The following FTO variants were observed in gnomAD, a reference collection of about 807,000 sequenced individuals.
The protein encoded by FTO is alpha-ketoglutarate-dependent dioxygenase FTO.
Under a neutral mutation model 63.9 loss-of-function variants are expected in FTO, and 47 were observed. The ratio of observed to expected loss-of-function variants is 0.74; its 90% confidence interval spans 0.58 to 0.94. The LOEUF is 0.94. Among genes scored for constraint, FTO ranks in the 40% least tolerant of loss-of-function variants. FTO has a pLI of 0.00. For missense variants in FTO, 562 were observed against 618.1 expected, an observed-to-expected ratio of 0.91 and a Z score of 0.96; for synonymous variants, 207 against 224.4, an observed-to-expected ratio of 0.92 and a Z score of 0.69.
intron 1 of FTO, among the ~76,000 whole-genome samples, chr16:53,708,665 C>T (rs754588769): frequency 1.3e-5 from 2 of 152,192 alleles, no homozygotes; most frequent in Admixed American, 6.5e-5. Flanking sequence ...ACAATTTTGT[C>T]ACATCCTTGT....
intron 8 of FTO, among the ~76,000 whole-genome samples, chr16:53,948,893 A>G (rs1251241216): frequency 6.6e-6 from 1 of 152,200 alleles, no homozygotes. Context: ...CAATCTGTGT[A>G]TTGCCTCTGT....
chr16:54,008,704 C>A (rs8054364), intron 8 of FTO: 1 of 151,152 alleles, frequency 6.6e-6, no homozygotes, highest in African/African-American at 2.4e-5. Context: ...AATTTCTTAC[C>A]CACTCCGGCA....
intron 4 of FTO, among the ~76,000 whole-genome samples, chr16:53,872,997 A>G (rs1042333117): frequency 2.6e-5 from 4 of 152,162 alleles, no homozygotes; most frequent in Non-Finnish European, 5.9e-5. Flanking sequence ...ATATTCTTCA[A>G]CTGATGAATT....
At chr16:53,764,363 G>A (rs1259756689) in intron 1 of FTO, 2 of 152,362 alleles carry the variant, frequency 1.3e-5, no homozygotes, top group Non-Finnish European at 2.9e-5. Context: ...TGGGCGCGGT[G>A]GCTCATGCCT....
At chr16:54,049,112 G>A (rs900677801) in intron 8 of FTO, among the ~76,000 whole-genome samples, 4 of 151,884 alleles carry the variant, frequency 2.6e-5, no homozygotes, top group African/African-American at 9.7e-5. Flanking sequence ...CCGTAAGAAA[G>A]GTACTTAGAT....
chr16:53,750,875 G>A (rs2151569661), intron 1 of FTO, among the ~76,000 whole-genome samples: 1 of 152,350 alleles, frequency 6.6e-6, no homozygotes, highest in East Asian at 1.9e-4. Context: ...CAATATGGAA[G>A]ACAGTTTAGA....
intron 8 of FTO, among the ~76,000 whole-genome samples, chr16:54,108,108 G>A (rs1370857707): frequency 6.6e-6 from 1 of 152,190 alleles, no homozygotes; most frequent in African/African-American, 2.4e-5. Flanking sequence ...TTAGAATCCT[G>A]TTGGTGGAAC....
chr16:53,865,354 C>G (rs1201420109), intron 4 of FTO, among the ~76,000 whole-genome samples: 1 of 152,164 alleles, frequency 6.6e-6, no homozygotes, highest in Non-Finnish European at 1.5e-5. Flanking sequence ...ACTTAGCCTT[C>G]CTCATTAGGC....
At chr16:53,731,203 GAAGA>G (rs2076262581) in intron 1 of FTO, among the ~76,000 whole-genome samples, 1 of 152,214 alleles carries the variant, frequency 6.6e-6, no homozygotes, top group Admixed American at 6.5e-5. Context: ...GGCATAAAGA[GAAGA>G]AAGAGATAGA....
At chr16:53,976,425 A>G (rs1412274422) in intron 8 of FTO, among the ~76,000 whole-genome samples, 1 of 151,700 alleles carries the variant, frequency 6.6e-6, no homozygotes, top group Non-Finnish European at 1.5e-5. Context: ...CACTTTTATC[A>G]TATACTAAAT....
intron 1 of FTO, among the ~76,000 whole-genome samples, chr16:53,777,204 C>T (rs759358142): frequency 4.6e-5 from 7 of 152,130 alleles, no homozygotes; most frequent in Non-Finnish European, 7.4e-5. Context: ...ACTAACATCT[C>T]CCCTTTCTCT....
chr16:53,979,118 A>G (rs1166275579), intron 8 of FTO, among the ~76,000 whole-genome samples: 1 of 152,250 alleles, frequency 6.6e-6, no homozygotes, highest in African/African-American at 2.4e-5. Context: ...ATTATTACAT[A>G]CATCACTGAA....
rs138881700 is a variant in FTO, at chr16:53,735,453, G to T, written c.45+31224G>T. 2.6e-5 allele frequency among the ~76,000 whole-genome samples: 4 copies of T among 152,338 alleles called. No individual in the cohort carries two copies. The East Asian group carries it at 7.7e-4, about 29-fold the overall frequency. On this transcript the variant is annotated intron_variant, in intron 1 of 8. Coordinates refer to ENST00000471389, the MANE Select transcript of FTO (RefSeq NM_001080432.3). ...GCAAATCAGCTAACATGGACTCGGA[G>T]AGTCAGGGAGGGCCTCTTGGAGGAG...
chr16:53,925,595 G>T (rs1487225544), intron 7 of FTO, among the ~76,000 whole-genome samples: 2 of 152,072 alleles, frequency 1.3e-5, no homozygotes, highest in Non-Finnish European at 2.9e-5. Flanking sequence ...TGAGTTTTGG[G>T]GTTACAGGCC....
intron 6 of FTO, among the ~76,000 whole-genome samples, chr16:53,883,946 C>T (rs1482061808): frequency 6.6e-6 from 1 of 152,192 alleles, no homozygotes; most frequent in Non-Finnish European, 1.5e-5. Flanking sequence ...TCTACTTTGT[C>T]CTGTTGTTCA....
chr16:53,825,475 A>G (rs2078978934), intron 2 of FTO, among the ~76,000 whole-genome samples: 2 of 152,240 alleles, frequency 1.3e-5, no homozygotes, highest in South Asian at 4.1e-4. Flanking sequence ...AATGCACACA[A>G]GTAACTTACA....
At chr16:53,895,951 A>G (rs1249079258) in intron 7 of FTO, among the ~76,000 whole-genome samples, 2 of 152,178 alleles carry the variant, frequency 1.3e-5, no homozygotes, top group Admixed American at 6.6e-5. Context: ...TTGTTTCTGT[A>G]GGATTTGGCT....
intron 3 of FTO, among the ~76,000 whole-genome samples, 193 bp downstream of exon 3, chr16:53,826,684 T>C (rs749554244): frequency 2.0e-4 from 31 of 152,232 alleles, no homozygotes; most frequent in Non-Finnish European, 4.1e-4. Context: ...AATATGCCTC[T>C]TTCTCATCTG....
chr16:53,795,449 T>TGTG (rs879656922), intron 1 of FTO, among the ~76,000 whole-genome samples: 5,121 of 149,734 alleles, frequency 0.034, 88 homozygotes, highest in South Asian at 0.068. Context: ...GCTAATACAT[T>TGTG]TGTGTGTGTG....
Sources: allele counts gnomAD v4.1 joint callset (sites outside exome capture counted in the v4.1 genomes callset), GRCh38; gene constraint gnomAD v4.1.1; transcripts MANE v1.5; gene names NCBI Gene and HGNC (gene_info 2026-07-23, HGNC 2026-07-21).